The following PCDHGA4 variants were observed in gnomAD, a reference collection of about 807,000 sequenced individuals.
PCDHGA4 encodes the protein protocadherin gamma-A4.
A neutral mutation model predicts 54.6 loss-of-function variants in PCDHGA4; 38 were observed. The observed-to-expected ratio is 0.70, with a 90% confidence interval of 0.54 to 0.91. The LOEUF (loss-of-function observed/expected upper bound fraction) is 0.91. Ranked by LOEUF, PCDHGA4 falls within the 40% of genes least tolerant of loss-of-function variation. PCDHGA4 has a pLI of 0.00. For synonymous variants in PCDHGA4, 511 were observed against 512.9 expected (o/e 1.00, Z 0.05); for missense variants, 1,298 against 1,220.9 (o/e 1.06, Z -0.94).
chr5:141,393,984 C>T (rs1176875822), intron 1 of PCDHGA4: 1 of 1,613,570 alleles, frequency 6.2e-7, no homozygotes, highest in Non-Finnish European at 8.5e-7. Flanking sequence ...TGATAATTTA[C>T]CTTTTAAATT....
intron 1 of PCDHGA4, among the ~76,000 whole-genome samples, chr5:141,438,633 T>C (rs1222106413): frequency 2.9e-5 from 1 of 34,046 alleles, no homozygotes; most frequent in Non-Finnish European, 5.1e-5. Context: ...TATATATATA[T>C]ATACACACAC....
At chr5:141,503,284 G>C (rs899456087) in intron 2 of PCDHGA4, among the ~76,000 whole-genome samples, 2 of 152,044 alleles carry the variant, frequency 1.3e-5, no homozygotes, top group African/African-American at 4.8e-5. Flanking sequence ...TCTGTGTCTG[G>C]TACATAGAAA....
At chr5:141,446,039 A>G (rs1349676116) in intron 1 of PCDHGA4, among the ~76,000 whole-genome samples, 1 of 152,180 alleles carries the variant, frequency 6.6e-6, no homozygotes, top group African/African-American at 2.4e-5. Context: ...TAAGAAATGG[A>G]AGAAGAGCTG....
intron 1 of PCDHGA4, chr5:141,371,090 C>A (rs764906419): frequency 8.7e-6 from 14 of 1,613,702 alleles, no homozygotes; most frequent in Non-Finnish European, 1.2e-5. Context: ...GGGTAATTGT[C>A]GCAGATGCAA....
In PCDHGA4 at chr5:141,389,591, C is replaced by G. The variant is rs533336501; in HGVS notation, c.2514+31970C>G. ...TGTACCCCGCGCTGGGTCCCGACGG[C>G]TCTGCGCTCTTCGATATGGTGCCGC... On this transcript the variant is annotated intron_variant, in intron 1 of 3. Transcript: ENST00000571252. 2.1e-5 allele frequency: 34 copies of G among 1,613,176 alleles called. No homozygotes were observed. The African/African-American group carries it at 2.1e-4, about 10-fold the overall frequency.
At chr5:141,360,644 A>C (rs1761688095) in intron 1 of PCDHGA4, 1 of 1,613,994 alleles carries the variant, frequency 6.2e-7, no homozygotes, top group Non-Finnish European at 8.5e-7. Flanking sequence ...CTACAAAGAT[A>C]CCACCTTAAT....
chr5:141,372,198 G>C lies in PCDHGA4; in HGVS notation c.2514+14577G>C, dbSNP rs776842752. The C allele has an allele frequency of 8.1e-6, 13 of 1,613,456 alleles. No individual in the cohort carries two copies. In the African/African-American group the frequency reaches 1.5e-4, roughly 18 times the overall value. On this transcript the variant is annotated intron_variant, in intron 1 of 3. Coordinates refer to ENST00000571252, the MANE Select transcript of PCDHGA4 (RefSeq NM_018917.4). ...GGTGGACGCAGACTCGGGATACAACGCCTGGCTGTCCTACCACATTGTGCA... is the reference window on the plus strand; with the variant it reads ...GGTGGACGCAGACTCGGGATACAACCCCTGGCTGTCCTACCACATTGTGCA...
In PCDHGA4 at chr5:141,388,651, A is replaced by G. The variant is rs186708822; in HGVS notation, c.2514+31030A>G. ...AGGGTGAGCCTTTCAGAAAACGTGT[A>G]CCCGGGGACCACGGTGCTACAGGTG... On this transcript the variant is annotated intron_variant, in intron 1 of 3. Transcript: ENST00000571252. 300 of 1,613,838 alleles carry G rather than the reference A, an allele frequency of 1.9e-4. 1 individual carries two copies. Among genetic ancestry groups the G allele is most frequent in the Admixed American group, 9.7e-4 (58 of 60,020 alleles).
chr5:141,485,341 G>C lies in PCDHGA4; in HGVS notation c.2515-9466G>C. 1.2e-6 allele frequency: 2 copies of C among 1,614,118 alleles called. No homozygotes were observed. Among genetic ancestry groups the C allele is most frequent in the Non-Finnish European group, 8.5e-7 (1 of 1,180,022 alleles). ...TCGCTCAAGATTTCCTGCTGGATAC[G>C]GACAGTCTGTCAGCTCGCAGGCTGC... On this transcript the variant is annotated intron_variant, in intron 1 of 3. Coordinates refer to ENST00000571252, the MANE Select transcript of PCDHGA4 (RefSeq NM_018917.4). The surrounding 1 kb of genome is among the most constrained non-coding windows in gnomAD (Gnocchi z 5.7).
chr5:141,399,853 C>G, intron 1 of PCDHGA4: 1 of 1,612,978 alleles, frequency 6.2e-7, no homozygotes, highest in Non-Finnish European at 8.5e-7. Flanking sequence ...TATGGTGCCG[C>G]GCGCTGCAGA....
Position 141,476,605 on chromosome 5 carries a change from T to C in PCDHGA4, c.2515-18202T>C, listed in dbSNP as rs1394742940. ...CGCTCGAGAGCGCGCACGATCCCGATGTGGGAAGCAACTCTTTACAAACCT... is the reference window on the plus strand; with the variant it reads ...CGCTCGAGAGCGCGCACGATCCCGACGTGGGAAGCAACTCTTTACAAACCT... On this transcript the variant is annotated intron_variant, in intron 1 of 3. Transcript: ENST00000571252. This position sits in a 1 kb window ranked among gnomAD's most constrained non-coding sequence, Gnocchi z 7.6. 1.9e-6 allele frequency: 3 copies of C among 1,614,066 alleles called. No individual in the cohort carries two copies. In the East Asian group the frequency reaches 6.7e-5, roughly 36 times the overall value.
intron 1 of PCDHGA4, chr5:141,389,008 G>C (rs1264850198): frequency 6.2e-7 from 1 of 1,613,992 alleles, no homozygotes; most frequent in Admixed American, 1.7e-5. Context: ...AAGGATTCCA[G>C]ACACAATGGA....
Position 141,490,683 on chromosome 5 carries a change from A to C in PCDHGA4, c.2515-4124A>C, listed in dbSNP as rs766019662. 6 of 1,614,088 alleles carry C rather than the reference A, an allele frequency of 3.7e-6. No homozygotes were observed. The highest frequency in any genetic ancestry group is 5.1e-6 in the Non-Finnish European group (6 of 1,180,034). On this transcript the variant is annotated intron_variant, in intron 1 of 3. Transcript: ENST00000571252. The surrounding 1 kb of genome is among the most constrained non-coding windows in gnomAD (Gnocchi z 5.4). ...TTTGCACTGTGGCTGCCTCAGATCCAGACACTGGGGATAATGCCCGCCTCA... is the reference window on the plus strand; with the variant it reads ...TTTGCACTGTGGCTGCCTCAGATCCCGACACTGGGGATAATGCCCGCCTCA...
rs1283688342 is a variant in PCDHGA4, at chr5:141,437,688, T to G, written c.2515-57119T>G. On this transcript the variant is annotated intron_variant, in intron 1 of 3. Transcript: ENST00000571252. ...GAGATGTTGATCAAACTGATGAGGCTAAATCTCAAGAAAGAGACACAGTTA... is the reference window on the plus strand; with the variant it reads ...GAGATGTTGATCAAACTGATGAGGCGAAATCTCAAGAAAGAGACACAGTTA... Among the ~76,000 whole-genome samples the G allele has an allele frequency of 4.0e-5, 6 of 151,890 alleles. 1 individual carries two copies. The East Asian group carries it at 1.2e-3, about 29-fold the overall frequency.
intron 1 of PCDHGA4, among the ~76,000 whole-genome samples, chr5:141,484,023 G>A (rs67828357): frequency 0.059 from 8,857 of 150,044 alleles, 313 homozygotes; most frequent in South Asian, 0.11. Context: ...GGTGGGGTGA[G>A]ATCAAGTCTC....
At chr5:141,419,775 G>C in intron 1 of PCDHGA4, 1 of 1,614,016 alleles carries the variant, frequency 6.2e-7, no homozygotes, top group Non-Finnish European at 8.5e-7. Flanking sequence ...GACTCGGTCC[G>C]CCAGCGCCTG....
chr5:141,422,040 C>A, intron 1 of PCDHGA4: 1 of 1,611,442 alleles, frequency 6.2e-7, no homozygotes, highest in Non-Finnish European at 8.5e-7. Context: ...CGGATCCAGA[C>A]GAGGGAATCA....
At chr5:141,505,259 C>T in intron 2 of PCDHGA4, 134 bp from the exon 3 acceptor site, 2 of 1,500,262 alleles carry the variant, frequency 1.3e-6, no homozygotes, top group Admixed American at 2.0e-5. Flanking sequence ...GTGCCTCCTA[C>T]CTTGCTGAGA....
chr5:141,433,001 G>A (rs1361701281), intron 1 of PCDHGA4: 39 of 1,614,156 alleles, frequency 2.4e-5, no homozygotes, highest in Non-Finnish European at 3.1e-5. Context: ...CGGGGTGCAG[G>A]CTTTCCTGCA....
Sources: allele counts gnomAD v4.1 joint callset (sites outside exome capture counted in the v4.1 genomes callset), GRCh38; gene constraint gnomAD v4.1.1; non-coding constraint Gnocchi (gnomAD v3.1); transcripts MANE v1.5; gene names NCBI Gene and HGNC (gene_info 2026-07-23, HGNC 2026-07-21).